Variants in TMTC1 observed in about 807,000 individuals in gnomAD.
TMTC1 encodes the protein protein O-mannosyl-transferase TMTC1.
TMTC1 carries 73 observed loss-of-function variants against 104.8 expected under a neutral mutation model. The ratio of observed to expected loss-of-function variants is 0.70; its 90% CI spans 0.58 to 0.85. The LOEUF (loss-of-function observed/expected upper bound fraction) is 0.85, where lower values mean the gene tolerates loss of function less well. TMTC1 is among the 40% of genes least tolerant of loss of function. TMTC1 has a pLI of 0.00. For synonymous variants in TMTC1, 434 were observed against 428.7 expected, an observed-to-expected ratio of 1.01 and a Z score of -0.15; for missense variants, 1,035 against 1,096.1, an observed-to-expected ratio of 0.94 and a Z score of 0.79.
rs138133518 is a variant in TMTC1, at chr12:29,699,530, C to T, written c.938+52136G>A. On this transcript the variant is annotated intron_variant, in intron 5 of 17. Coordinates refer to ENST00000539277, the MANE Select transcript of TMTC1 (RefSeq NM_001193451.2). ...TCCAAATGTAATTGATACAAATTAG[C>T]GACATGTAACCTATTGCACATAAGA... Among the ~76,000 whole-genome samples the T allele has an allele frequency of 3.7e-3, 555 of 151,974 alleles. 1 individual carries two copies. The highest frequency in any genetic ancestry group is 0.016 in the South Asian group (79 of 4,810).
intron 5 of TMTC1, among the ~76,000 whole-genome samples, chr12:29,644,086 TATAA>T (rs1282302118): frequency 0.051 from 2,179 of 42,460 alleles, 99 homozygotes; most frequent in Non-Finnish European, 0.065. Flanking sequence ...TAAATATAAA[TATAA>T]ATATAAATAT....
chr12:29,520,079 C>T (rs73280572), intron 12 of TMTC1, among the ~76,000 whole-genome samples: 1,705 of 152,284 alleles, frequency 0.011, 27 homozygotes, highest in African/African-American at 0.037. Context: ...AAAGAGAATT[C>T]ATGCCCAGTA....
Position 29,783,630 on chromosome 12 carries a change from T to A in TMTC1, c.122A>T (p.Tyr41Phe). Residue 41 changes from tyrosine (Y) to phenylalanine (F), a missense_variant, in exon 1 of 18, where the codon TAC becomes TTC. Transcript: ENST00000539277. This position sits in a 1 kb window ranked among gnomAD's most constrained non-coding sequence, Gnocchi z 4.7. ...GAACTCGCCCTGCAGGGAGCGGCCG[T>A]AGCACAGGCAGCTTGCCCCGGCCAG... ...ALLAGASCLC[Y>F]GRSLQGEFVH... The A allele has an allele frequency of 2.8e-6, 4 of 1,450,766 alleles. No individual in the cohort carries two copies. The highest frequency in any genetic ancestry group is 3.6e-6 in the Non-Finnish European group (4 of 1,102,942). The allele number at this position is 1,450,766 out of a possible 1,614,324, so 89.9% of individuals were successfully genotyped here.
intron 5 of TMTC1, among the ~76,000 whole-genome samples, chr12:29,663,644 G>C (rs1329913492): frequency 7.3e-5 from 11 of 151,420 alleles, no homozygotes; most frequent in Admixed American, 6.6e-4. Context: ...ATCCTCATGA[G>C]TAGCTAGGAT....
chr12:29,599,327 T>A lies in TMTC1; in HGVS notation c.1250+4851A>T, dbSNP rs145802812. On this transcript the variant is annotated intron_variant, in intron 7 of 17. Coordinates refer to ENST00000539277, the MANE Select transcript of TMTC1 (RefSeq NM_001193451.2). The stretch of plus-strand genomic sequence containing the variant: ...TGTTCAAAAAGGAGATCTGCAAAAC[T>A]GGCTTTGTCACCAGAAGAAAAGATT... Among the ~76,000 whole-genome samples, 38 of 152,342 alleles carry A rather than the reference T, an allele frequency of 2.5e-4. No homozygotes were observed. In the East Asian group the frequency reaches 7.3e-3, roughly 29 times the overall value.
chr12:29,616,188 C>A (rs1305389109), intron 6 of TMTC1, among the ~76,000 whole-genome samples: 1 of 152,090 alleles, frequency 6.6e-6, no homozygotes, highest in Non-Finnish European at 1.5e-5. Flanking sequence ...TTTAGAGTAA[C>A]CTTACTTAAT....
intron 2 of TMTC1, among the ~76,000 whole-genome samples, chr12:29,762,702 C>G (rs1040443615): frequency 6.6e-6 from 1 of 152,212 alleles, no homozygotes; most frequent in African/African-American, 2.4e-5. Flanking sequence ...CTGCTTGTAC[C>G]ACATGCTGTT....
At chr12:29,762,242 T>C (rs1333655173) in intron 2 of TMTC1, among the ~76,000 whole-genome samples, 1 of 152,192 alleles carries the variant, frequency 6.6e-6, no homozygotes, top group African/African-American at 2.4e-5. Flanking sequence ...AGACTGCTCT[T>C]GCCATCTGAG....
chr12:29,641,570 G>A (rs1008806848), intron 5 of TMTC1, among the ~76,000 whole-genome samples: 3 of 152,118 alleles, frequency 2.0e-5, no homozygotes, highest in Non-Finnish European at 4.4e-5. Context: ...AACACACCGT[G>A]GGACAAAAGA....
intron 11 of TMTC1, among the ~76,000 whole-genome samples, chr12:29,521,731 C>G (rs1944172237): frequency 6.6e-6 from 1 of 151,980 alleles, no homozygotes; most frequent in Non-Finnish European, 1.5e-5. Flanking sequence ...CCATGCCCAG[C>G]TAATTTTTGT....
intron 5 of TMTC1, among the ~76,000 whole-genome samples, chr12:29,664,538 T>C (rs925077253): frequency 6.6e-6 from 1 of 152,194 alleles, no homozygotes; most frequent in Non-Finnish European, 1.5e-5. Flanking sequence ...ATCTGTGAAG[T>C]AGAACCAAAT....
rs1181345005 is a variant in TMTC1, at chr12:29,643,831, ATATATATT to A, written c.939-10503_939-10496del. Among the ~76,000 whole-genome samples, 181 of 70,028 alleles carry A rather than the reference ATATATATT, an allele frequency of 2.6e-3. 2 individuals are homozygous for A. The highest frequency in any genetic ancestry group is 9.8e-3 in the African/African-American group (170 of 17,396). The allele number at this position is 70,028 out of a possible 152,430, so 45.9% of individuals were successfully genotyped here. A position where few individuals can be genotyped will look rare whatever the true frequency, so the allele number is the denominator to read the frequency against. ...TATATTTATATATATTTATATATTT[ATATATATT>A]TATATATTTATATATATTTATATAT... On this transcript the variant is annotated intron_variant, in intron 5 of 17. Transcript: ENST00000539277.
At chr12:29,525,597 T>A (rs1486339703) in intron 11 of TMTC1, among the ~76,000 whole-genome samples, 5 of 151,556 alleles carry the variant, frequency 3.3e-5, no homozygotes, top group African/African-American at 1.2e-4. Context: ...TTTTTTTTTT[T>A]AAATCTAGCG....
chr12:29,660,039 G>T, intron 5 of TMTC1: 1 of 1,351,382 alleles, frequency 7.4e-7, no homozygotes, highest in Non-Finnish European at 1.0e-6. Flanking sequence ...CACCCTTTTT[G>T]CAGGTGCATT....
chr12:29,704,697 CA>C (rs1941692167), intron 5 of TMTC1, among the ~76,000 whole-genome samples: 2 of 151,986 alleles, frequency 1.3e-5, no homozygotes, highest in Admixed American at 1.3e-4. Flanking sequence ...AAAATGAAGC[CA>C]AAAAGGAATA....
At chr12:29,603,415 C>T (rs1403518050) in intron 7 of TMTC1, among the ~76,000 whole-genome samples, 2 of 151,666 alleles carry the variant, frequency 1.3e-5, no homozygotes, top group East Asian at 3.9e-4. Flanking sequence ...GTATCATAGT[C>T]CAAAGTGTTA....
intron 6 of TMTC1, among the ~76,000 whole-genome samples, chr12:29,624,134 C>T (rs1422737942): frequency 6.6e-6 from 1 of 152,038 alleles, no homozygotes; most frequent in Non-Finnish European, 1.5e-5. Flanking sequence ...CACCCACCAT[C>T]ACGCCCAGCT....
chr12:29,628,126 T>C (rs1938098898), intron 6 of TMTC1, among the ~76,000 whole-genome samples: 1 of 152,248 alleles, frequency 6.6e-6, no homozygotes, highest in African/African-American at 2.4e-5. Flanking sequence ...TTTAATTCTT[T>C]ATGAGGGCAT....
intron 1 of TMTC1, among the ~76,000 whole-genome samples, chr12:29,780,855 T>A (rs1035993457): frequency 6.6e-6 from 1 of 152,224 alleles, no homozygotes; most frequent in Non-Finnish European, 1.5e-5. Context: ...AAAAAAGTTT[T>A]TAAAACGGGT....
Sources: gnomAD v4.1 joint callset for allele counts (sites outside exome capture counted in the v4.1 genomes callset) on GRCh38, gnomAD v4.1.1 for gene constraint, Gnocchi (gnomAD v3.1) non-coding constraint, MANE v1.5 for transcripts, NCBI Gene and HGNC (gene_info 2026-07-23, HGNC 2026-07-21) for gene names.